ARFGEF1: variants seen among roughly 807,000 people sequenced by gnomAD.
ARFGEF1 encodes the protein ARF guanine nucleotide exchange factor 1.
ARFGEF1 carries 42 observed loss-of-function variants against 231.0 expected under a neutral mutation model. The ratio of observed to expected loss-of-function variants is 0.18; its 90% confidence interval spans 0.14 to 0.24. The LOEUF is 0.24. Ranked by LOEUF, ARFGEF1 falls within the 10% of genes least tolerant of loss-of-function variation. ARFGEF1 has a pLI of 1.00. For missense variants in ARFGEF1, 1,345 were observed against 2,192.0 expected, an observed-to-expected ratio of 0.61 and a Z score of 7.72; for synonymous variants, 710 against 732.3, an observed-to-expected ratio of 0.97 and a Z score of 0.49.
chr8:67,304,947 C>T (rs1286043013), intron 1 of ARFGEF1, among the ~76,000 whole-genome samples: 5 of 152,086 alleles, frequency 3.3e-5, no homozygotes, highest in African/African-American at 1.2e-4. Context: ...GGCTGAGATA[C>T]TACTACAAAC....
At chr8:67,320,414 C>T (rs1386655398) in intron 1 of ARFGEF1, among the ~76,000 whole-genome samples, 1 of 151,936 alleles carries the variant, frequency 6.6e-6, no homozygotes, top group African/African-American at 2.4e-5. Flanking sequence ...TAGAAATGCA[C>T]AATAGCACAG....
At chr8:67,180,796 A>C (rs1023318454) in intron 5 of ARFGEF1, among the ~76,000 whole-genome samples, 6 of 152,120 alleles carry the variant, frequency 3.9e-5, no homozygotes, top group Admixed American at 2.0e-4. Context: ...ATTTCAGTCA[A>C]AAAAGTCATA....
At chr8:67,184,767 T>A (rs902840261) in intron 5 of ARFGEF1, among the ~76,000 whole-genome samples, 4 of 146,006 alleles carry the variant, frequency 2.7e-5, no homozygotes, top group East Asian at 2.0e-4. Context: ...ATAATAATAA[T>A]AAAGGTTGGG....
chr8:67,258,791 A>G (rs1288686746), intron 15 of ARFGEF1, among the ~76,000 whole-genome samples: 1 of 150,884 alleles, frequency 6.6e-6, no homozygotes, highest in Non-Finnish European at 1.5e-5. Flanking sequence ...TATTCTTTTC[A>G]GTTTAGAAAA....
At chr8:67,339,399 T>C (rs953353850) in intron 1 of ARFGEF1, among the ~76,000 whole-genome samples, 3 of 152,096 alleles carry the variant, frequency 2.0e-5, no homozygotes, top group African/African-American at 7.2e-5. Context: ...AGTATCTTCA[T>C]AGATACTCTT....
rs1554634931 is a variant in ARFGEF1, at chr8:67,211,624, T to C, written c.4687-9A>G. On this transcript the variant is annotated splice_polypyrimidine_tract_variant and intron_variant, in intron 33 of 38. Coordinates refer to ENST00000262215, the MANE Select transcript of ARFGEF1 (RefSeq NM_006421.5). ...TTCTGTGATATTGTATCCTAATAAA[T>C]AAAAAAAAAATCACTGTAAGTATGG... The C allele has an allele frequency of 1.5e-6, 2 of 1,338,978 alleles. No individual in the cohort carries two copies. Among genetic ancestry groups the C allele is most frequent in the African/African-American group, 1.5e-5 (1 of 65,640 alleles). 82.9% of individuals were successfully genotyped at this position (1,338,978 alleles called of 1,614,324 possible).
intron 1 of ARFGEF1, among the ~76,000 whole-genome samples, chr8:67,314,084 G>T (rs1200820745): frequency 2.0e-5 from 3 of 152,154 alleles, no homozygotes; most frequent in Non-Finnish European, 4.4e-5. Context: ...CAGCTCCCAT[G>T]AAAACTGAAG....
intron 5 of ARFGEF1, among the ~76,000 whole-genome samples, chr8:67,192,094 A>G (rs1385843735): frequency 7.6e-6 from 1 of 130,740 alleles, no homozygotes; most frequent in East Asian, 2.3e-4. Context: ...TTTTTTTGAT[A>G]CAGAGTCCTG....
intron 3 of ARFGEF1, 125 bp downstream of exon 3, chr8:67,301,099 G>T: frequency 1.1e-6 from 1 of 919,666 alleles, no homozygotes; most frequent in Non-Finnish European, 1.6e-6. Context: ...AAAATCACTT[G>T]GATTTTTTAC....
intron 17 of ARFGEF1, among the ~76,000 whole-genome samples, chr8:67,256,163 T>C (rs564499680): frequency 1.4e-4 from 22 of 152,258 alleles, no homozygotes; most frequent in African/African-American, 5.3e-4. Flanking sequence ...AAATCCCAAC[T>C]GTGAACTACC....
chr8:67,330,506 T>C (rs1348880604), intron 1 of ARFGEF1, among the ~76,000 whole-genome samples: 2 of 152,150 alleles, frequency 1.3e-5, no homozygotes, highest in African/African-American at 4.8e-5. Flanking sequence ...AAAAAACACA[T>C]TCTAATAATA....
chr8:67,323,621 C>G (rs944835163), intron 1 of ARFGEF1, among the ~76,000 whole-genome samples: 1 of 152,120 alleles, frequency 6.6e-6, no homozygotes, highest in Non-Finnish European at 1.5e-5. Flanking sequence ...TCAGAATCAT[C>G]CTAAATGCCT....
chr8:67,291,901 T>A lies in ARFGEF1; in HGVS notation c.862A>T (p.Ile288Phe). The A allele has an allele frequency of 4.3e-6, 7 of 1,613,984 alleles. No homozygotes were observed. The highest frequency in any genetic ancestry group is 5.9e-6 in the Non-Finnish European group (7 of 1,179,872). ...GTCTGTTCATTTTCTGCACTGGAAA[T>A]ATCAGATCCATTTTCAGGCTCTGTG... ...DDTEPENGSDISSAENEQTEA... is the reference protein window; with the variant it reads ...DDTEPENGSDFSSAENEQTEA... Residue 288 changes from isoleucine (I) to phenylalanine (F), a missense_variant, in exon 6 of 39, where the codon ATT becomes TTT. Transcript: ENST00000262215.
Position 67,343,661 on chromosome 8 carries a change from G to T in ARFGEF1, c.-374C>A. The T allele has an allele frequency of 1.0e-6, 1 of 975,656 alleles. No homozygotes were observed. The highest frequency in any genetic ancestry group is 1.2e-6 in the Non-Finnish European group (1 of 813,950). 60.4% of individuals were successfully genotyped at this position (975,656 alleles called of 1,614,324 possible). A position where few individuals can be genotyped will look rare whatever the true frequency, so the allele number is the denominator to read the frequency against. ...GGAACTGAGGGACGAGGTGGCGGCG[G>T]CTCTCAGAGGCACCGCGAGAGAAGG... On this transcript the variant is annotated 5_prime_UTR_variant, in exon 1 of 39. Coordinates refer to ENST00000262215, the MANE Select transcript of ARFGEF1 (RefSeq NM_006421.5).
At chr8:67,233,969 T>C (rs900973150) in intron 22 of ARFGEF1, among the ~76,000 whole-genome samples, 1 of 152,154 alleles carries the variant, frequency 6.6e-6, no homozygotes, top group Non-Finnish European at 1.5e-5. Flanking sequence ...TACAGTTGCA[T>C]ATAAATTATT....
chr8:67,176,311 A>G (rs1427425550), intron 5 of ARFGEF1, among the ~76,000 whole-genome samples: 1 of 152,160 alleles, frequency 6.6e-6, no homozygotes, highest in African/African-American at 2.4e-5. Context: ...TTAAGACCCT[A>G]TCTTGGGAGG....
At chr8:67,289,629 C>T (rs956505459) in intron 6 of ARFGEF1, among the ~76,000 whole-genome samples, 6 of 150,894 alleles carry the variant, frequency 4.0e-5, no homozygotes, top group Non-Finnish European at 8.8e-5. Context: ...TTCTAGGTGC[C>T]TGTCCTCCCT....
chr8:67,343,494 C>A lies in ARFGEF1; in HGVS notation c.-207G>T. ...CGAAGGGCGTCGAGGTCCTCGCCGCCCCCAAGAAGCCGTACCTCGAGGGCC... is the reference window on the plus strand; with the variant it reads ...CGAAGGGCGTCGAGGTCCTCGCCGCACCCAAGAAGCCGTACCTCGAGGGCC... On this transcript the variant is annotated 5_prime_UTR_variant, in exon 1 of 39. Coordinates refer to ENST00000262215, the MANE Select transcript of ARFGEF1 (RefSeq NM_006421.5). 7.9e-7 allele frequency: 1 copy of A among 1,271,692 alleles called. No individual in the cohort carries two copies. Among genetic ancestry groups the A allele is most frequent in the Non-Finnish European group, 9.9e-7 (1 of 1,005,118 alleles). The allele number at this position is 1,271,692 out of a possible 1,614,324, so 78.8% of individuals were successfully genotyped here. A position where few individuals can be genotyped will look rare whatever the true frequency, so the allele number is the denominator to read the frequency against.
intron 36 of ARFGEF1, 47 bp from the exon 37 acceptor site, chr8:67,201,652 T>C (rs373587166): frequency 1.7e-5 from 27 of 1,610,488 alleles, no homozygotes; most frequent in South Asian, 1.7e-4. Flanking sequence ...AGGCATCTTA[T>C]GTAAAGGTGA....
Sources: allele counts gnomAD v4.1 joint callset (sites outside exome capture counted in the v4.1 genomes callset), GRCh38; gene constraint gnomAD v4.1.1; transcripts MANE v1.5; gene names NCBI Gene and HGNC (gene_info 2026-07-23, HGNC 2026-07-21).